Variants in FGD4 observed in about 807,000 individuals in gnomAD.
FGD4 encodes the protein FYVE, RhoGEF and PH domain-containing protein 4.
FGD4 carries 42 observed loss-of-function variants against 102.0 expected under a neutral mutation model. That is an observed-to-expected ratio of 0.41 (90% CI 0.32 to 0.53). The LOEUF is 0.53. Ranked by LOEUF, FGD4 falls within the 20% of genes least tolerant of loss-of-function variation. The pLI is 0.21. For synonymous variants in FGD4, 380 were observed against 375.7 expected (o/e 1.01, Z -0.13); for missense variants, 902 against 1,078.2 (o/e 0.84, Z 2.29).
intron 1 of FGD4, among the ~76,000 whole-genome samples, chr12:32,519,088 C>A (rs1940215712): frequency 6.9e-6 from 1 of 145,536 alleles, no homozygotes; most frequent in African/African-American, 2.6e-5. Context: ...TGCATTCCAG[C>A]CTGGGCAACA....
rs906371311 is a variant in FGD4, at chr12:32,582,066, C to G, written c.610C>G (p.Leu204Val). ...GLTTTPQQKL[L>V]SQHLPQRQGN... is the part of the protein sequence containing the mutation. ...GACAACCACACCTCAACAAAAACTCCTCTCCCAGCACTTGCCACAGAGGCA... is the reference window on the plus strand; with the variant it reads ...GACAACCACACCTCAACAAAAACTCGTCTCCCAGCACTTGCCACAGAGGCA... The change falls in exon 4 of 17, where the codon CTC becomes GTC. Residue 204 changes from leucine to valine, a missense_variant. Coordinates refer to ENST00000534526, the MANE Select transcript of FGD4 (RefSeq NM_001370298.3). 6 of 1,614,188 alleles carry G rather than the reference C, an allele frequency of 3.7e-6. No homozygotes were observed. Among genetic ancestry groups the G allele is most frequent in the East Asian group, 2.2e-5 (1 of 44,884 alleles).
chr12:32,529,507 T>C (rs527666290), intron 1 of FGD4, among the ~76,000 whole-genome samples: 79 of 152,238 alleles, frequency 5.2e-4, no homozygotes, highest in African/African-American at 1.9e-3. Context: ...ATTTTCCTGT[T>C]ACTTTTTTGC....
intron 1 of FGD4, among the ~76,000 whole-genome samples, chr12:32,529,347 G>A (rs924766946): frequency 2.0e-5 from 3 of 151,710 alleles, no homozygotes; most frequent in Non-Finnish European, 2.9e-5. Context: ...CGATGGTCTC[G>A]ATCTCTTAAC....
intron 1 of FGD4, among the ~76,000 whole-genome samples, chr12:32,480,201 C>G (rs1398797518): frequency 6.6e-6 from 1 of 151,018 alleles, no homozygotes; most frequent in African/African-American, 2.4e-5. Flanking sequence ...CGCTCTGTCA[C>G]CCAGAGCTGG....
chr12:32,559,101 A>G (rs12308096), intron 1 of FGD4, among the ~76,000 whole-genome samples: 1,596 of 152,288 alleles, frequency 0.01, 38 homozygotes, highest in African/African-American at 0.036. Flanking sequence ...TTAATGTAAA[A>G]CTTCTTGAAT....
chr12:32,483,989 CA>C (rs1277235169), intron 1 of FGD4, among the ~76,000 whole-genome samples: 4 of 152,046 alleles, frequency 2.6e-5, no homozygotes, highest in Non-Finnish European at 5.9e-5. Flanking sequence ...TACTAGCTCT[CA>C]AAATCACCAC....
rs1186734031 is a variant in FGD4, at chr12:32,443,575, G to A, written c.166+43616G>A. ...TTTTTTTGAGGCAGGGTCTTACTCTGTCACCCAGGCTGGAGTGCAGTGGTG... is the reference window on the plus strand; with the variant it reads ...TTTTTTTGAGGCAGGGTCTTACTCTATCACCCAGGCTGGAGTGCAGTGGTG... On this transcript the variant is annotated intron_variant, in intron 1 of 16. Transcript: ENST00000534526. Among the ~76,000 whole-genome samples, 4 of 124,196 alleles carry A rather than the reference G, an allele frequency of 3.2e-5. No individual in the cohort carries two copies. In the East Asian group the frequency reaches 9.2e-4, roughly 28 times the overall value. 81.5% of individuals were successfully genotyped at this position (124,196 alleles called of 152,430 possible). A position where few individuals can be genotyped will look rare whatever the true frequency, so the allele number is the denominator to read the frequency against.
At chr12:32,538,962 GAGA>G (rs1942558214) in intron 1 of FGD4, among the ~76,000 whole-genome samples, 1 of 152,176 alleles carries the variant, frequency 6.6e-6, no homozygotes, top group South Asian at 2.1e-4. Flanking sequence ...GTTGAGGCAG[GAGA>G]ATTGCTTGAA....
chr12:32,405,395 G>C (rs1940892509), intron 1 of FGD4, among the ~76,000 whole-genome samples: 1 of 151,836 alleles, frequency 6.6e-6, no homozygotes, highest in South Asian at 2.1e-4. Flanking sequence ...GAGTAGCTGG[G>C]ATTACAGGCA....
chr12:32,453,854 G>C (rs562373403), intron 1 of FGD4, among the ~76,000 whole-genome samples: 5 of 152,134 alleles, frequency 3.3e-5, no homozygotes, highest in African/African-American at 1.2e-4. Flanking sequence ...TTAAATATTT[G>C]TTGAATGAAT....
chr12:32,495,695 C>CAAAAA (rs766436638), intron 1 of FGD4, among the ~76,000 whole-genome samples: 75 of 76,058 alleles, frequency 9.9e-4, no homozygotes, highest in Non-Finnish European at 1.3e-3. Context: ...GACTCTGTTT[C>CAAAAA]AAAAAAAAAA....
chr12:32,525,651 C>T (rs982830245), intron 1 of FGD4, among the ~76,000 whole-genome samples: 15 of 152,382 alleles, frequency 9.8e-5, no homozygotes, highest in African/African-American at 2.9e-4. Context: ...CCCACTCCCT[C>T]AGCTTGCAGG....
chr12:32,577,827 A>G (rs1254547772), intron 3 of FGD4, among the ~76,000 whole-genome samples: 2 of 152,198 alleles, frequency 1.3e-5, no homozygotes, highest in African/African-American at 2.4e-5. Flanking sequence ...TCCAGGGGCC[A>G]TGCCTAGTGA....
Position 32,475,011 on chromosome 12 carries a change from A to C in FGD4, c.166+75052A>C, listed in dbSNP as rs111720192. 5.6e-3 allele frequency among the ~76,000 whole-genome samples: 847 copies of C among 152,294 alleles called. 10 individuals carry two copies. The highest frequency in any genetic ancestry group is 0.018 in the African/African-American group (768 of 41,574). ...AACCTTGCCATTGTAAACTTATTTA[A>C]ACAGAAAAAAGCAGCAGATGTGACT... On this transcript the variant is annotated intron_variant, in intron 1 of 16. Transcript: ENST00000534526.
intron 15 of FGD4, 151 bp downstream of exon 15, chr12:32,633,840 T>A (rs932829119): frequency 4.4e-6 from 3 of 682,990 alleles, no homozygotes; most frequent in African/African-American, 1.8e-5. Context: ...CACGCCACCA[T>A]GCCCGGCTAA....
At chr12:32,419,457 GC>G (rs1941546707) in intron 1 of FGD4, among the ~76,000 whole-genome samples, 1 of 151,004 alleles carries the variant, frequency 6.6e-6, no homozygotes, top group Admixed American at 6.6e-5. Context: ...AAGTTAAAGT[GC>G]CCCAGTCACT....
At position 32,530,955 on chromosome 12, in the gene FGD4, T is replaced by TG. The variant is rs1366080679; in HGVS notation, c.167-33182_167-33181insG. ...TCCTAGCTTTGGTTTTTTTTTTTTT[T>TG]TTTTTTTTTTTTTTTGAGACAGAGC... On this transcript the variant is annotated intron_variant, in intron 1 of 16. Transcript: ENST00000534526. Among the ~76,000 whole-genome samples the TG allele has an allele frequency of 1.1e-4, 15 of 130,994 alleles. 1 individual carries two copies. Among genetic ancestry groups the TG allele is most frequent in the Admixed American group, 4.6e-4 (6 of 13,024 alleles). 85.9% of individuals were successfully genotyped at this position (130,994 alleles called of 152,430 possible). A position where few individuals can be genotyped will look rare whatever the true frequency, so the allele number is the denominator to read the frequency against.
At chr12:32,456,044 A>G (rs955979094) in intron 1 of FGD4, among the ~76,000 whole-genome samples, 6 of 152,066 alleles carry the variant, frequency 3.9e-5, no homozygotes, top group Admixed American at 3.3e-4. Context: ...GTTGTGTAAA[A>G]CCCTGCAAGC....
chr12:32,561,079 T>TG (rs1204309447), intron 1 of FGD4, among the ~76,000 whole-genome samples: 2 of 107,590 alleles, frequency 1.9e-5, no homozygotes, highest in African/African-American at 4.0e-5. Flanking sequence ...GGTTTTGTTT[T>TG]TTTTTTTTTT....
Sources: allele counts gnomAD v4.1 joint callset (sites outside exome capture counted in the v4.1 genomes callset), GRCh38; gene constraint gnomAD v4.1.1; transcripts MANE v1.5; gene names NCBI Gene and HGNC (gene_info 2026-07-23, HGNC 2026-07-21).